The following MMP26 variants were observed in gnomAD, a reference collection of about 807,000 sequenced individuals.
MMP26 encodes matrix metalloproteinase-26.
MMP26 carries 33 observed loss-of-function variants against 31.0 expected under a neutral mutation model. The observed-to-expected ratio is 1.06, with a 90% CI of 0.81 to 1.42. The LOEUF is 1.42. MMP26 is among the 40% of genes most tolerant of loss of function. The pLI is 0.00. For missense variants in MMP26, 347 were observed against 316.1 expected, an observed-to-expected ratio of 1.10 and a Z score of -0.74; for synonymous variants, 122 against 114.9, an observed-to-expected ratio of 1.06 and a Z score of -0.40.
intron 2 of MMP26, among the ~76,000 whole-genome samples, chr11:4,785,618 TTA>T (rs1848932180): frequency 1.3e-5 from 2 of 152,232 alleles, no homozygotes; most frequent in South Asian, 4.1e-4. Flanking sequence ...ATTTTCATAA[TTA>T]TCATTACAAA....
rs1850516052 is a variant in MMP26, at chr11:4,884,089, C to T, written c.-144-103979C>T. Among the ~76,000 whole-genome samples, 5 of 152,184 alleles carry T rather than the reference C, an allele frequency of 3.3e-5. No individual in the cohort carries two copies. In the South Asian group the frequency reaches 1.0e-3, roughly 32 times the overall value. ...TTTGTGATTTTGCTTCGCTTGGGCT[C>T]CAATCCCCTTTACCAACAATAATCA... On this transcript the variant is annotated intron_variant, in intron 2 of 7. Coordinates refer to ENST00000380390, the MANE Select transcript of MMP26 (RefSeq NM_021801.5).
rs901109398 is a variant in MMP26 at position 4,861,276 on chromosome 11, T to G, written c.-145+93935T>G. Among the ~76,000 whole-genome samples the G allele has an allele frequency of 3.3e-5, 5 of 150,338 alleles. No individual in the cohort carries two copies. The Admixed American group carries it at 3.3e-4, about 10-fold the overall frequency. On this transcript the variant is annotated intron_variant, in intron 2 of 7. Coordinates refer to ENST00000380390, the MANE Select transcript of MMP26 (RefSeq NM_021801.5). ...GTTTATACATATAGATACATATACA[T>G]GCAGATACATACAGTTTCCAAGTAT...
chr11:4,896,064 T>TA (rs78402525), intron 2 of MMP26, among the ~76,000 whole-genome samples: 30,177 of 152,080 alleles, frequency 0.2, 3,514 homozygotes, highest in East Asian at 0.6. Flanking sequence ...GTTTGTTTTT[T>TA]ACCTCTAAGT....
In MMP26 at chr11:4,976,247, A is replaced by G. The variant is rs536269649; in HGVS notation, c.-144-11821A>G. On this transcript the variant is annotated intron_variant, in intron 2 of 7. Transcript: ENST00000380390. ...TGTCTTTTTAAAATGAAGTTAAAATAAAGTTCAGTATTTATATGAAAGTTG... is the reference window on the plus strand; with the variant it reads ...TGTCTTTTTAAAATGAAGTTAAAATGAAGTTCAGTATTTATATGAAAGTTG... 5.3e-3 allele frequency among the ~76,000 whole-genome samples: 813 copies of G among 152,164 alleles called. 4 individuals carry two copies. The highest frequency in any genetic ancestry group is 8.2e-3 in the Non-Finnish European group (557 of 68,014).
At chr11:4,935,245 A>G (rs1851419867) in intron 2 of MMP26, among the ~76,000 whole-genome samples, 1 of 150,648 alleles carries the variant, frequency 6.6e-6, no homozygotes, top group South Asian at 2.1e-4. Context: ...ATCCTCTTTT[A>G]TTTCATTGAG....
At chr11:4,799,203 T>C (rs1381850669) in intron 2 of MMP26, among the ~76,000 whole-genome samples, 1 of 152,164 alleles carries the variant, frequency 6.6e-6, no homozygotes, top group Non-Finnish European at 1.5e-5. Context: ...TACCTCAGGG[T>C]AATTTATAAA....
chr11:4,716,524 C>A (rs981806971), intron 1 of MMP26, among the ~76,000 whole-genome samples: 4 of 150,890 alleles, frequency 2.7e-5, no homozygotes, highest in African/African-American at 7.3e-5. Flanking sequence ...GAACGTTGTT[C>A]TTGTTGTTTT....
chr11:4,796,836 A>C (rs934496433), intron 2 of MMP26, among the ~76,000 whole-genome samples: 1 of 152,076 alleles, frequency 6.6e-6, no homozygotes, highest in Non-Finnish European at 1.5e-5. Context: ...AATGTCCAGG[A>C]ACCTTGGGAA....
intron 2 of MMP26, chr11:4,859,833 G>C (rs1291117794): frequency 2.1e-6 from 1 of 471,308 alleles, no homozygotes; most frequent in African/African-American, 2.0e-5. Context: ...ACATGTGAGA[G>C]AGGCATGTGC....
chr11:4,859,440 A>G (rs1850109166), intron 2 of MMP26, among the ~76,000 whole-genome samples: 5 of 152,230 alleles, frequency 3.3e-5, no homozygotes. Context: ...ATTCCAAAAT[A>G]TAGTATATAC....
chr11:4,903,177 C>T (rs529278495), intron 2 of MMP26, among the ~76,000 whole-genome samples: 11 of 152,050 alleles, frequency 7.2e-5, no homozygotes, highest in Middle Eastern at 3.4e-3. Flanking sequence ...GTGAATAAAA[C>T]GCAGGATACT....
At chr11:4,924,022 G>T in intron 2 of MMP26, 8 of 1,614,130 alleles carry the variant, frequency 5.0e-6, no homozygotes, top group Non-Finnish European at 5.9e-6. Flanking sequence ...ACAAGGTGTG[G>T]ATGAAGAAGA....
At position 4,806,040 on chromosome 11, in the gene MMP26, T is replaced by C. The variant is rs553990041; in HGVS notation, c.-145+38699T>C. Among the ~76,000 whole-genome samples, 6 of 151,614 alleles carry C rather than the reference T, an allele frequency of 4.0e-5. No homozygotes were observed. In the East Asian group the frequency reaches 1.2e-3, roughly 29 times the overall value. On this transcript the variant is annotated intron_variant, in intron 2 of 7. Coordinates refer to ENST00000380390, the MANE Select transcript of MMP26 (RefSeq NM_021801.5). ...TGGAACTAATACATGTCTCATTCAC[T>C]AGAAAAAAAAAAATCCTGAAAAGAA...
intron 2 of MMP26, among the ~76,000 whole-genome samples, chr11:4,960,934 A>T (rs1442065737): frequency 6.6e-6 from 1 of 152,224 alleles, no homozygotes; most frequent in Non-Finnish European, 1.5e-5. Context: ...CAGTATACAT[A>T]AAAAGATAAG....
intron 2 of MMP26, among the ~76,000 whole-genome samples, chr11:4,887,255 C>T (rs892904632): frequency 1.3e-5 from 2 of 151,810 alleles, no homozygotes; most frequent in African/African-American, 4.8e-5. Context: ...ATTGTATGTT[C>T]TTCAGTTTAC....
intron 1 of MMP26, among the ~76,000 whole-genome samples, chr11:4,746,276 T>C (rs1345415588): frequency 6.6e-6 from 1 of 152,240 alleles, no homozygotes; most frequent in East Asian, 1.9e-4. Flanking sequence ...TTTTATACCA[T>C]GGTTGCAGTA....
intron 2 of MMP26, among the ~76,000 whole-genome samples, chr11:4,977,041 C>T (rs1360071468): frequency 2.0e-5 from 3 of 151,970 alleles, no homozygotes; most frequent in African/African-American, 7.3e-5. Context: ...AGTCTATATA[C>T]CCTTTGTTCA....
intron 2 of MMP26, among the ~76,000 whole-genome samples, chr11:4,843,758 C>T (rs1185486720): frequency 6.6e-6 from 1 of 152,126 alleles, no homozygotes; most frequent in Non-Finnish European, 1.5e-5. Context: ...CTAATTTATC[C>T]CCAGAAAAAT....
intron 2 of MMP26, among the ~76,000 whole-genome samples, chr11:4,800,873 TTTC>T: frequency 6.6e-6 from 1 of 152,014 alleles, no homozygotes; most frequent in African/African-American, 2.4e-5. Context: ...AAGTTCAAAC[TTTC>T]ATAGGTCCCT....
Sources: gnomAD v4.1 joint callset for allele counts (sites outside exome capture counted in the v4.1 genomes callset) on GRCh38, gnomAD v4.1.1 for gene constraint, MANE v1.5 for transcripts, NCBI Gene and HGNC (gene_info 2026-07-23, HGNC 2026-07-21) for gene names.